The following RBBP6 variants were observed in gnomAD, a reference collection of about 807,000 sequenced individuals.
The protein encoded by RBBP6 is E3 ubiquitin-protein ligase RBBP6.
In RBBP6, 25 loss-of-function variants were observed where a neutral mutation model predicts 167.7. The observed-to-expected ratio is 0.15, with a 90% CI of 0.11 to 0.21. RBBP6 has a LOEUF of 0.21. RBBP6 is among the 10% of genes least tolerant of loss of function. The probability of loss-of-function intolerance (pLI) is 1.00; values close to 1 mark genes in which losing one functional copy is unlikely to be tolerated. For missense variants in RBBP6, 1,868 were observed against 2,134.2 expected, an observed-to-expected ratio of 0.88 and a Z score of 2.46; for synonymous variants, 789 against 735.8, an observed-to-expected ratio of 1.07 and a Z score of -1.17.
chr16:24,572,158 G>T lies in RBBP6; in HGVS notation c.5092G>T (p.Val1698Phe). 1 of 1,613,686 alleles carries T rather than the reference G, an allele frequency of 6.2e-7. No homozygotes were observed. The highest frequency in any genetic ancestry group is 8.5e-7 in the Non-Finnish European group (1 of 1,179,736). Reference sequence around the variant, plus strand: ...GAATCAGAGCCACAGCAGCCCCAGCGTCAGCCCCAGCAGAAGCCACAGTCC... The same window carrying T: ...GAATCAGAGCCACAGCAGCCCCAGCTTCAGCCCCAGCAGAAGCCACAGTCC... Reference protein sequence around the residue: ...SRNQSHSSPSVSPSRSHSPSG... With the variant: ...SRNQSHSSPSFSPSRSHSPSG... Residue 1698 changes from valine to phenylalanine, a missense_variant, in exon 18 of 18, where the codon GTC (valine) becomes TTC (phenylalanine). Coordinates refer to ENST00000319715, the MANE Select transcript of RBBP6 (RefSeq NM_006910.5).
chr16:24,556,360 G>T lies in RBBP6; in HGVS notation c.587G>T (p.Arg196Ile). 1.2e-6 allele frequency: 2 copies of T among 1,606,094 alleles called. No homozygotes were observed. Among genetic ancestry groups the T allele is most frequent in the Non-Finnish European group, 1.7e-6 (2 of 1,172,808 alleles). ...ATTAAAAAGAGCACTGGAATTCCCA[G>T]AAGTTTCATGATGGAAGTGAAAGAT... ...PRIKKSTGIPRSFMMEVKDPN... is the reference protein window; with the variant it reads ...PRIKKSTGIPISFMMEVKDPN... The change falls in exon 7 of 18, where the codon AGA (arginine) becomes ATA (isoleucine). Residue 196 changes from arginine (R) to isoleucine (I), a missense_variant. This residue lies in a region of RBBP6 where 184 missense variants were observed against 327.7 expected (regional missense o/e 0.56). Transcript: ENST00000319715.
Position 24,571,467 on chromosome 16 carries a change from C to T in RBBP6, c.4401C>T (p.Phe1467=). Residue 1467 remains phenylalanine, a synonymous_variant, in exon 18 of 18, where the codon TTC becomes TTT. Transcript: ENST00000319715. Reference sequence around the variant, plus strand: ...CTCGTGCTTCCTCAAATAAAGACTTCACTCCCAATAGAGACAAAAAAACTG... The same window carrying T: ...CTCGTGCTTCCTCAAATAAAGACTTTACTCCCAATAGAGACAAAAAAACTG... ...DSTRASSNKD[F]TPNRDKKTDY... 4.3e-6 allele frequency: 7 copies of T among 1,612,890 alleles called. No homozygotes were observed. The highest frequency in any genetic ancestry group is 2.2e-5 in the East Asian group (1 of 44,870).
In RBBP6 at chr16:24,555,869, C is replaced by T; in HGVS notation, c.486C>T (p.Phe162=). The change falls in exon 6 of 18, where the codon TTC becomes TTT. Residue 162 remains phenylalanine, a synonymous_variant. Coordinates refer to ENST00000319715, the MANE Select transcript of RBBP6 (RefSeq NM_006910.5). Reference sequence around the variant, plus strand: ...CACCACCTCCATCTTACACGTGTTTCCGTTGTGGTAAACCTGGACATTATA... The same window carrying T: ...CACCACCTCCATCTTACACGTGTTTTCGTTGTGGTAAACCTGGACATTATA... ...LGPPPPSYTC[F]RCGKPGHYIK... is the part of the protein sequence containing the mutation. 6.2e-7 allele frequency: 1 copy of T among 1,611,656 alleles called. No individual in the cohort carries two copies. Among genetic ancestry groups the T allele is most frequent in the Non-Finnish European group, 8.5e-7 (1 of 1,177,792 alleles).
chr16:24,543,901 T>G (rs1443952265), intron 1 of RBBP6, among the ~76,000 whole-genome samples: 2 of 152,120 alleles, frequency 1.3e-5, no homozygotes, highest in African/African-American at 4.8e-5. Flanking sequence ...GCCTTTCATG[T>G]CTGGGGTCAA....
At position 24,569,393 on chromosome 16, in the gene RBBP6, G is replaced by A; in HGVS notation, c.2703G>A (p.Lys901=). Residue 901 remains lysine (K), a synonymous_variant, in exon 17 of 18, where the codon AAG becomes AAA. Transcript: ENST00000319715. ...SRNIGSNYPE[K]LSARDGHNQK... is the part of the protein sequence containing the mutation. ...ACATAGGTAGCAACTATCCAGAAAAGCTTTCAGCAAGAGATGGTCACAATC... is the reference window on the plus strand; with the variant it reads ...ACATAGGTAGCAACTATCCAGAAAAACTTTCAGCAAGAGATGGTCACAATC... 6.2e-7 allele frequency: 1 copy of A among 1,614,062 alleles called. No homozygotes were observed. The highest frequency in any genetic ancestry group is 8.5e-7 in the Non-Finnish European group (1 of 1,180,014).
chr16:24,545,731 C>T (rs548433282), intron 1 of RBBP6, among the ~76,000 whole-genome samples: 13 of 152,284 alleles, frequency 8.5e-5, no homozygotes, highest in East Asian at 1.9e-4. Context: ...TTATTCATAA[C>T]GTCATAATTT....
At position 24,571,215 on chromosome 16, in the gene RBBP6, AATC is replaced by A. The variant is rs772312734; in HGVS notation, c.4152_4154del (p.Ile1385del). On this transcript the variant is annotated inframe_deletion, in exon 18 of 18. Transcript: ENST00000319715. ...AATTCACCAAGGACGTGAGCCATGA[AATC>A]ATACAACATGAGGTTAAAAGTTCAA... is the stretch of plus-strand genomic sequence containing the variant. The A allele has an allele frequency of 3.1e-6, 5 of 1,613,812 alleles. No individual in the cohort carries two copies. The highest frequency in any genetic ancestry group is 3.4e-6 in the Non-Finnish European group (4 of 1,179,926).
intron 7 of RBBP6, among the ~76,000 whole-genome samples, chr16:24,558,102 A>G (rs1489256323): frequency 6.6e-6 from 1 of 152,106 alleles, no homozygotes; most frequent in Non-Finnish European, 1.5e-5. Context: ...TACAGACACA[A>G]TTAAGAGCAG....
rs1263623884 is a variant in RBBP6, at chr16:24,540,698, C to T, written c.72C>T (p.Ile24=). 8 of 1,614,074 alleles carry T rather than the reference C, an allele frequency of 5.0e-6. No homozygotes were observed. Among genetic ancestry groups the T allele is most frequent in the African/African-American group, 1.3e-5 (1 of 74,930 alleles). The part of the protein sequence containing the change: ...YDTVTFDGLH[I]SLCDLKKQIM... The stretch of plus-strand genomic sequence containing the variant: ...CCGTCACCTTTGATGGGCTCCACAT[C>T]TCCCTCTGCGACTTAAAGAAGCAGA... Residue 24 remains isoleucine, a synonymous_variant, in exon 1 of 18, where the codon ATC becomes ATT. Transcript: ENST00000319715.
At chr16:24,563,761 A>C (rs928255673) in intron 13 of RBBP6, 97 bp downstream of exon 13, 6 of 1,109,890 alleles carry the variant, frequency 5.4e-6, no homozygotes, top group South Asian at 1.8e-5. Context: ...GGTCCAAACT[A>C]GGCAGCGGGT....
intron 3 of RBBP6, among the ~76,000 whole-genome samples, chr16:24,552,233 A>G (rs558586381): frequency 6.6e-6 from 1 of 151,806 alleles, no homozygotes; most frequent in Non-Finnish European, 1.5e-5. Flanking sequence ...ATTATTTTTT[A>G]TTTACATTTA....
At chr16:24,563,777 C>G (rs533396544) in intron 13 of RBBP6, 113 bp downstream of exon 13, 26 of 884,862 alleles carry the variant, frequency 2.9e-5, no homozygotes, top group Admixed American at 9.4e-5. Flanking sequence ...CGGGTCGCTG[C>G]TCTTTATTGT....
At position 24,540,563 on chromosome 16, in the gene RBBP6, A is replaced by G; in HGVS notation, c.-64A>G. The G allele has an allele frequency of 4.7e-6, 7 of 1,478,216 alleles. No homozygotes were observed. The highest frequency in any genetic ancestry group is 6.4e-6 in the Non-Finnish European group (7 of 1,086,052). 91.6% of individuals were successfully genotyped at this position (1,478,216 alleles called of 1,614,324 possible). On this transcript the variant is annotated 5_prime_UTR_variant, in exon 1 of 18. Transcript: ENST00000319715. ...TGTACATATTTTGCTCTTAAAGTTT[A>G]TAAATATACGTATATTGAGAGTGTC...
intron 3 of RBBP6, among the ~76,000 whole-genome samples, chr16:24,552,141 G>C (rs1898812291): frequency 1.3e-5 from 2 of 151,774 alleles, no homozygotes; most frequent in South Asian, 4.1e-4. Context: ...CCTTTTGTCT[G>C]AATAAACATC....
Position 24,567,280 on chromosome 16 carries a change from C to A in RBBP6, c.1727C>A (p.Pro576Gln), listed in dbSNP as rs1380945532. Reference protein sequence around the residue: ...PPPPHTLPLPPGVPPPQFSPQ... With the variant: ...PPPPHTLPLPQGVPPPQFSPQ... ...CCTCCCCATACACTTCCTCTCCCTC[C>A]GGGTGTTCCTCCTCCACAGTTTTCT... Residue 576 changes from proline to glutamine, a missense_variant, in exon 15 of 18, where the codon CCG (proline) becomes CAG (glutamine). Coordinates refer to ENST00000319715, the MANE Select transcript of RBBP6 (RefSeq NM_006910.5). 6.2e-7 allele frequency: 1 copy of A among 1,614,020 alleles called. No homozygotes were observed. Among genetic ancestry groups the A allele is most frequent in the Non-Finnish European group, 8.5e-7 (1 of 1,180,018 alleles).
chr16:24,572,364 GAAA>G lies in RBBP6; in HGVS notation c.5301_5303del (p.Lys1769del), dbSNP rs903995015. ...AAAAAAGCCAAAAACACAAACACAAGAAAAAGAAGTCAAAGAAGAACAAAGATA... is the reference window on the plus strand; with the variant it reads ...AAAAAAGCCAAAAACACAAACACAAGAAGAAGTCAAAGAAGAACAAAGATA... On this transcript the variant is annotated inframe_deletion, in exon 18 of 18. Transcript: ENST00000319715. The G allele has an allele frequency of 1.0e-5, 16 of 1,551,228 alleles. No individual in the cohort carries two copies. Among genetic ancestry groups the G allele is most frequent in the Non-Finnish European group, 1.3e-5 (15 of 1,147,046 alleles).
chr16:24,565,592 G>T (rs1003933672), intron 14 of RBBP6, among the ~76,000 whole-genome samples: 1 of 152,226 alleles, frequency 6.6e-6, no homozygotes, highest in Non-Finnish European at 1.5e-5. Flanking sequence ...AAGGATCTGG[G>T]TTGCACGCTT....
Position 24,548,929 on chromosome 16 carries a change from T to G in RBBP6, c.267-16T>G. On this transcript the variant is annotated splice_polypyrimidine_tract_variant and intron_variant, in intron 2 of 17. Transcript: ENST00000319715. Reference sequence around the variant, plus strand: ...AAATAGCTAATGTTAATTTTTGTTTTTATTTTGTGTTTTAGAAGTCGAACT... The same window carrying G: ...AAATAGCTAATGTTAATTTTTGTTTGTATTTTGTGTTTTAGAAGTCGAACT... 6.3e-7 allele frequency: 1 copy of G among 1,594,672 alleles called. No individual in the cohort carries two copies. The highest frequency in any genetic ancestry group is 8.6e-7 in the Non-Finnish European group (1 of 1,168,844).
chr16:24,544,007 CT>C (rs1397755624), intron 1 of RBBP6, among the ~76,000 whole-genome samples: 2 of 152,106 alleles, frequency 1.3e-5, no homozygotes, highest in Non-Finnish European at 2.9e-5. Context: ...TTTATTACCC[CT>C]AGAAAGATAC....
Sources: gnomAD v4.1 joint callset for allele counts (sites outside exome capture counted in the v4.1 genomes callset) on GRCh38, gnomAD v4.1.1 for gene constraint, gnomAD v4.1.1 regional missense constraint, MANE v1.5 for transcripts, NCBI Gene and HGNC (gene_info 2026-07-23, HGNC 2026-07-21) for gene names.